The following CRYBG1 variants were observed in gnomAD, a reference collection of about 807,000 sequenced individuals.
The protein encoded by CRYBG1 is crystallin beta-gamma domain containing 1, also known as beta/gamma crystallin domain-containing protein 1.
A neutral mutation model predicts 189.2 loss-of-function variants in CRYBG1; 139 were observed. The observed-to-expected ratio is 0.73, with a 90% confidence interval of 0.64 to 0.85. CRYBG1 has a LOEUF of 0.85. Ranked by LOEUF, CRYBG1 falls within the 40% of genes least tolerant of loss-of-function variation. The pLI, the probability that CRYBG1 is intolerant of heterozygous loss-of-function variation, is 0.00. For missense variants in CRYBG1, 2,611 were observed against 2,675.8 expected (o/e 0.98, Z 0.53); for synonymous variants, 1,023 against 1,017.1 (o/e 1.01, Z -0.11).
intron 1 of CRYBG1, among the ~76,000 whole-genome samples, chr6:106,371,289 G>A (rs1313443579): frequency 6.6e-6 from 1 of 152,188 alleles, no homozygotes; most frequent in Non-Finnish European, 1.5e-5. Context: ...TTAGTAAAAG[G>A]TATGATAGTT....
At chr6:106,447,531 C>T (rs1348034700) in intron 1 of CRYBG1, among the ~76,000 whole-genome samples, 1 of 125,270 alleles carries the variant, frequency 8.0e-6, no homozygotes, top group Admixed American at 9.3e-5. Flanking sequence ...AATGCTTGTA[C>T]CTCATGTACC....
At position 106,458,789 on chromosome 6, in the gene CRYBG1, G is replaced by A. The variant is rs563719315; in HGVS notation, c.312+6957G>A. Among the ~76,000 whole-genome samples, 24 of 152,174 alleles carry A rather than the reference G, an allele frequency of 1.6e-4. 1 individual carries two copies. The South Asian group carries it at 2.5e-3, about 16-fold the overall frequency. ...AGCATGATACCACCCTTCTCCTCCCGCACATGGGACGTGGAGGTGCCAAGA... is the reference window on the plus strand; with the variant it reads ...AGCATGATACCACCCTTCTCCTCCCACACATGGGACGTGGAGGTGCCAAGA... On this transcript the variant is annotated intron_variant, in intron 2 of 21. Coordinates refer to ENST00000633556, the MANE Select transcript of CRYBG1 (RefSeq NM_001371242.2).
chr6:106,563,737 A>C (rs1413710151), intron 20 of CRYBG1, 27 bp from the exon 21 acceptor site: 4 of 1,579,592 alleles, frequency 2.5e-6, no homozygotes, highest in Non-Finnish European at 3.5e-6. Context: ...TACATATTTA[A>C]GATATCTGGT....
intron 3 of CRYBG1, among the ~76,000 whole-genome samples, chr6:106,518,228 C>T (rs2114535428): frequency 6.6e-6 from 1 of 152,232 alleles, no homozygotes; most frequent in Non-Finnish European, 1.5e-5. Context: ...TATTGTCTGA[C>T]TGGTAGGATT....
rs1773603278 is a variant in CRYBG1 at position 106,521,234 on chromosome 6, T to A, written c.4026T>A (p.Asp1342Glu). ...CGCAAAAAGAGAAAACCAAAGAAGATCTGGATTCACGAAGCAACCTACACT... is the reference window on the plus strand; with the variant it reads ...CGCAAAAAGAGAAAACCAAAGAAGAACTGGATTCACGAAGCAACCTACACT... ...KYPQKEKTKEDLDSRSNLHLP... is the reference protein window; with the variant it reads ...KYPQKEKTKEELDSRSNLHLP... The change falls in exon 4 of 22, where the codon GAT becomes GAA. Residue 1342 changes from aspartate to glutamate, a missense_variant. By Grantham distance (45) the Asp-to-Glu change is conservative. This residue lies in a region of CRYBG1 where 1,622 missense variants were observed against 1,735.0 expected (regional missense o/e 0.93). Transcript: ENST00000633556. 6.2e-7 allele frequency: 1 copy of A among 1,613,834 alleles called. No individual in the cohort carries two copies. The highest frequency in any genetic ancestry group is 8.5e-7 in the Non-Finnish European group (1 of 1,179,980).
chr6:106,475,356 A>G (rs985787442), intron 2 of CRYBG1, among the ~76,000 whole-genome samples: 1 of 152,246 alleles, frequency 6.6e-6, no homozygotes, highest in Admixed American at 6.5e-5. Context: ...AAGTTAAAAC[A>G]GAACAGCAAA....
chr6:106,482,116 T>A (rs73511073), intron 2 of CRYBG1, among the ~76,000 whole-genome samples: 1 of 151,964 alleles, frequency 6.6e-6, no homozygotes, highest in Admixed American at 6.6e-5. Flanking sequence ...GGCTGCAGTT[T>A]CATCTGAGGC....
At chr6:106,448,227 C>G (rs1771705399) in intron 1 of CRYBG1, among the ~76,000 whole-genome samples, 1 of 152,208 alleles carries the variant, frequency 6.6e-6, no homozygotes, top group Non-Finnish European at 1.5e-5. Flanking sequence ...AGGTGCACAG[C>G]AGCACTGTCT....
rs183864034 is a variant in CRYBG1 at position 106,440,511 on chromosome 6, C to T, written c.174-11183C>T. 3.8e-3 allele frequency among the ~76,000 whole-genome samples: 576 copies of T among 152,340 alleles called. 4 individuals carry two copies. Among genetic ancestry groups the T allele is most frequent in the African/African-American group, 0.013 (546 of 41,564 alleles). Reference sequence around the variant, plus strand: ...CGAACCCCTGATCTCAAGCGATCCACCTGCCTCAGCCTCCCAAAGTGCTGG... The same window carrying T: ...CGAACCCCTGATCTCAAGCGATCCATCTGCCTCAGCCTCCCAAAGTGCTGG... On this transcript the variant is annotated intron_variant, in intron 1 of 21. Transcript: ENST00000633556.
chr6:106,472,430 T>G (rs1191532369), intron 2 of CRYBG1, among the ~76,000 whole-genome samples: 1 of 152,218 alleles, frequency 6.6e-6, no homozygotes, highest in East Asian at 1.9e-4. Flanking sequence ...TTTAAAATGT[T>G]TACCATTTTG....
intron 20 of CRYBG1, among the ~76,000 whole-genome samples, chr6:106,563,523 G>T (rs1252255678): frequency 6.6e-6 from 1 of 152,184 alleles, no homozygotes; most frequent in Non-Finnish European, 1.5e-5. Context: ...GTCTTGCAAA[G>T]GGCAGAAGTC....
rs370371694 is a variant in CRYBG1 at position 106,520,332 on chromosome 6, G to A, written c.3124G>A (p.Ala1042Thr). ...PASEKTLPIQ[A>T]QSQGSRTPLM... ...ATCAGAGAAAACTCTGCCTATTCAG[G>A]CTCAAAGTCAGGGCAGCAGAACACC... is the stretch of plus-strand genomic sequence containing the variant. Residue 1042 changes from alanine (A) to threonine (T), a missense_variant, in exon 4 of 22, where the codon GCT becomes ACT. Transcript: ENST00000633556. 6.2e-7 allele frequency: 1 copy of A among 1,614,072 alleles called. No individual in the cohort carries two copies. The highest frequency in any genetic ancestry group is 8.5e-7 in the Non-Finnish European group (1 of 1,180,032).
In CRYBG1 at chr6:106,403,172, A is replaced by AAAAC. The variant is rs567736473; in HGVS notation, c.173+42108_173+42111dup. On this transcript the variant is annotated intron_variant, in intron 1 of 21. Transcript: ENST00000633556. ...CAACAAAGCCAGACGCCTTCTCTTA[A>AAAAC]AAACAAACAAACAAACAAACTGGGC... 1.4e-3 allele frequency among the ~76,000 whole-genome samples: 215 copies of AAAAC among 152,214 alleles called. 1 individual carries two copies. Among genetic ancestry groups the AAAAC allele is most frequent in the African/African-American group, 1.8e-3 (76 of 41,534 alleles).
intron 8 of CRYBG1, among the ~76,000 whole-genome samples, chr6:106,536,030 CG>C (rs1773996364): frequency 0.011 from 10 of 872 alleles, 5 homozygotes; most frequent in East Asian, 0.083. Flanking sequence ...ATGATCCACC[CG>C]CCTCGGCCTC....
Position 106,434,946 on chromosome 6 carries a change from C to G in CRYBG1, c.174-16748C>G, listed in dbSNP as rs548956457. Among the ~76,000 whole-genome samples, 5 of 152,244 alleles carry G rather than the reference C, an allele frequency of 3.3e-5. No individual in the cohort carries two copies. In the East Asian group the frequency reaches 9.7e-4, roughly 29 times the overall value. On this transcript the variant is annotated intron_variant, in intron 1 of 21. Transcript: ENST00000633556. Reference sequence around the variant, plus strand: ...TGTTCTGCAAAATGTGTATGGATAACAAAAAGAGGCTGTAGGGTAAATGAA... The same window carrying G: ...TGTTCTGCAAAATGTGTATGGATAAGAAAAAGAGGCTGTAGGGTAAATGAA...
chr6:106,481,491 G>A (rs1024405110), intron 2 of CRYBG1, among the ~76,000 whole-genome samples: 2 of 152,006 alleles, frequency 1.3e-5, no homozygotes, highest in African/African-American at 4.8e-5. Context: ...AATCTCATCT[G>A]CATCTCCTCT....
At chr6:106,469,474 T>C (rs953383244) in intron 2 of CRYBG1, among the ~76,000 whole-genome samples, 2 of 151,732 alleles carry the variant, frequency 1.3e-5, no homozygotes, top group East Asian at 1.9e-4. Flanking sequence ...TTGGTAAATA[T>C]TTCTTGAATG....
intron 1 of CRYBG1, 171 bp from the exon 2 acceptor site, chr6:106,451,523 G>A (rs1771780803): frequency 1.8e-6 from 1 of 545,084 alleles, no homozygotes; most frequent in Non-Finnish European, 3.0e-6. Context: ...ATTTATAAAT[G>A]TGCTATGAGA....
chr6:106,517,327 T>TATATATAC (rs1179339267), intron 3 of CRYBG1, among the ~76,000 whole-genome samples: 7 of 117,038 alleles, frequency 6.0e-5, no homozygotes, highest in African/African-American at 2.0e-4. Flanking sequence ...CATATATATA[T>TATATATAC]ACACATATAT....
Sources: gnomAD v4.1 joint callset for allele counts (sites outside exome capture counted in the v4.1 genomes callset) on GRCh38, gnomAD v4.1.1 for gene constraint, gnomAD v4.1.1 regional missense constraint, MANE v1.5 for transcripts, NCBI Gene and HGNC (gene_info 2026-07-23, HGNC 2026-07-21) for gene names.